GET1: variants seen among roughly 807,000 people sequenced by gnomAD.
GET1 encodes guided entry of tail-anchored proteins factor 1.
In GET1, 20 loss-of-function variants were observed where a neutral mutation model predicts 22.6. That is an observed-to-expected ratio of 0.89 (90% CI 0.62 to 1.29). The LOEUF is 1.29. GET1 is among the 50% of genes most tolerant of loss of function. The pLI, the probability that GET1 is intolerant of heterozygous loss-of-function variation, is 0.00. For synonymous variants in GET1, 92 were observed against 83.8 expected, an observed-to-expected ratio of 1.10 and a Z score of -0.53; for missense variants, 209 against 219.9, an observed-to-expected ratio of 0.95 and a Z score of 0.31.
chr21:39,392,143 A>G, intron 3 of GET1: 3 of 308,442 alleles, frequency 9.7e-6, no homozygotes, highest in South Asian at 5.0e-5. Flanking sequence ...ATGAAGCGAG[A>G]GGCTTATAGA....
chr21:39,410,326 G>A (rs866850498), downstream of GET1: 1 of 1,610,278 alleles, frequency 6.2e-7, no homozygotes, highest in Non-Finnish European at 8.5e-7. Flanking sequence ...CTTGTGAATG[G>A]CAAAATTTTT....
chr21:39,419,405 A>G (rs1445333445), intron 1 of GET1, among the ~76,000 whole-genome samples: 2 of 151,736 alleles, frequency 1.3e-5, no homozygotes, highest in Non-Finnish European at 2.9e-5. Flanking sequence ...TGTACCTGTG[A>G]TCCCAGCTAC....
At chr21:39,418,002 G>A (rs113525971) in intron 1 of GET1, among the ~76,000 whole-genome samples, 4,455 of 152,192 alleles carry the variant, frequency 0.029, 88 homozygotes, top group Non-Finnish European at 0.044. Context: ...TCCTGACCTC[G>A]TGATCCACCC....
chr21:39,410,789 G>A (rs1261344401), downstream of GET1: 1 of 468,752 alleles, frequency 2.1e-6, no homozygotes, highest in Non-Finnish European at 4.4e-6. Context: ...AAAAGTGAAG[G>A]AAATTATATC....
chr21:39,391,310 C>T (rs780520507), intron 2 of GET1: 22 of 229,584 alleles, frequency 9.6e-5, no homozygotes, highest in South Asian at 2.9e-4. Flanking sequence ...CAGGGCAGCC[C>T]GTGTGCTGAG....
intron 1 of GET1, among the ~76,000 whole-genome samples, chr21:39,414,908 G>T (rs1222231324): frequency 6.6e-6 from 1 of 151,950 alleles, no homozygotes; most frequent in African/African-American, 2.4e-5. Flanking sequence ...CTGGTATTCT[G>T]GATTATTTTA....
At chr21:39,423,583 A>G (rs2074103863) in intron 1 of GET1, 4 of 992,298 alleles carry the variant, frequency 4.0e-6, no homozygotes, top group South Asian at 1.8e-5. Flanking sequence ...GCCCCCATGC[A>G]CACACACCAC....
intron 1 of GET1, among the ~76,000 whole-genome samples, chr21:39,390,406 C>G (rs180992375): frequency 6.6e-6 from 1 of 152,126 alleles, no homozygotes; most frequent in Non-Finnish European, 1.5e-5. Context: ...GTCTGCCACC[C>G]GGGGGTTGGG....
At position 39,417,994 on chromosome 21, in the gene GET1, C is replaced by T. The variant is rs149664780; in HGVS notation, c.*23+7057C>T. On this transcript the variant is annotated intron_variant, in intron 1 of 1. Transcript: ENST00000478273. ...TGTTTGCCAGGATTGTCTCCATCTCCTGACCTCGTGATCCACCCACCTTGG... is the reference window on the plus strand; with the variant it reads ...TGTTTGCCAGGATTGTCTCCATCTCTTGACCTCGTGATCCACCCACCTTGG... Among the ~76,000 whole-genome samples, 230 of 152,304 alleles carry T rather than the reference C, an allele frequency of 1.5e-3. 2 individuals are homozygous for T. The highest frequency in any genetic ancestry group is 5.1e-3 in the African/African-American group (210 of 41,574).
intron 4 of GET1, among the ~76,000 whole-genome samples, chr21:39,394,596 C>A (rs73365919): frequency 0.014 from 2,150 of 152,174 alleles, 54 homozygotes; most frequent in African/African-American, 0.049. Flanking sequence ...AATCAAGGTG[C>A]CGGCAGATTT....
chr21:39,396,085 C>T (rs1375623131), intron 4 of GET1, among the ~76,000 whole-genome samples: 1 of 152,166 alleles, frequency 6.6e-6, no homozygotes, highest in Non-Finnish European at 1.5e-5. Context: ...GAATACAGCC[C>T]TATGATTCTA....
intron 1 of GET1, among the ~76,000 whole-genome samples, chr21:39,383,444 G>A (rs2037693661): frequency 1.3e-5 from 2 of 150,552 alleles, no homozygotes; most frequent in African/African-American, 4.9e-5. Flanking sequence ...ACTATGCCCG[G>A]CTAATTTTTG....
At chr21:39,401,361 C>A (rs770729743), downstream of GET1, among the ~76,000 whole-genome samples, 15 of 151,860 alleles carry the variant, frequency 9.9e-5, no homozygotes, top group Admixed American at 4.6e-4. Context: ...TTTCCTGAGT[C>A]TTTTTAAAAA....
chr21:39,426,823 C>G (rs2074792063), intron 1 of GET1, among the ~76,000 whole-genome samples: 1 of 152,212 alleles, frequency 6.6e-6, no homozygotes. Flanking sequence ...CTGGACTTTT[C>G]ATTTCCTGCC....
chr21:39,387,878 G>C, intron 1 of GET1: 1 of 971,042 alleles, frequency 1.0e-6, no homozygotes, highest in South Asian at 4.8e-5. Context: ...GGGGAGGGGG[G>C]GGGATCTGAT....
chr21:39,413,386 C>T (rs1395449950), intron 1 of GET1, among the ~76,000 whole-genome samples: 4 of 152,180 alleles, frequency 2.6e-5, no homozygotes, highest in Non-Finnish European at 5.9e-5. Context: ...AGCTTTTATC[C>T]ATTTCTTCTT....
At chr21:39,380,972 C>T (rs955746901) in intron 1 of GET1, 1 of 986,526 alleles carries the variant, frequency 1.0e-6, no homozygotes, top group Non-Finnish European at 1.2e-6. Flanking sequence ...CAGCGTGATG[C>T]CTTCAGTATC....
At chr21:39,403,377 A>C (rs2147032579) in intron 4 of GET1, among the ~76,000 whole-genome samples, 1 of 152,270 alleles carries the variant, frequency 6.6e-6, no homozygotes, top group South Asian at 2.1e-4. Context: ...CCCAGGCTGG[A>C]GTGCAGTGGT....
chr21:39,404,517 G>A (rs933527146), intron 4 of GET1, among the ~76,000 whole-genome samples: 1 of 152,100 alleles, frequency 6.6e-6, no homozygotes. Context: ...GGCTGAGGTG[G>A]GCAGATCACC....
Sources: gnomAD v4.1 joint callset for allele counts (sites outside exome capture counted in the v4.1 genomes callset) on GRCh38, gnomAD v4.1.1 for gene constraint, MANE v1.5 for transcripts, NCBI Gene and HGNC (gene_info 2026-07-23, HGNC 2026-07-21) for gene names.